KANK1: variants seen among roughly 807,000 people sequenced by gnomAD.
KANK1 encodes the protein KN motif and ankyrin repeat domain-containing protein 1.
In KANK1, 109 loss-of-function variants were observed where a neutral mutation model predicts 106.2. The observed-to-expected ratio is 1.03, with a 90% CI of 0.88 to 1.20. The LOEUF is 1.20. Among genes scored for constraint, KANK1 ranks in the 50% most tolerant of loss-of-function variants. The probability of loss-of-function intolerance (pLI) is 0.00; values close to 1 mark genes in which losing one functional copy is unlikely to be tolerated. For missense variants in KANK1, 2,399 were observed against 1,710.7 expected (o/e 1.40, Z -7.10); for synonymous variants, 873 against 652.2 (o/e 1.34, Z -5.16).
At chr9:655,527 G>C (rs1047180312) in intron 1 of KANK1, among the ~76,000 whole-genome samples, 7 of 152,150 alleles carry the variant, frequency 4.6e-5, no homozygotes, top group African/African-American at 1.7e-4. Context: ...TCACCTGGGG[G>C]TCTTGCTGGA....
chr9:721,484 A>G (rs1316022290), intron 3 of KANK1, among the ~76,000 whole-genome samples: 2 of 152,262 alleles, frequency 1.3e-5, no homozygotes, highest in African/African-American at 2.4e-5. Context: ...TAGCCCAAGC[A>G]TAATAAGACT....
intron 2 of KANK1, among the ~76,000 whole-genome samples, 189 bp from the exon 3 acceptor site, chr9:710,615 C>CAAAAAAAAAA (rs1222306010): frequency 5.3e-4 from 19 of 35,974 alleles, no homozygotes; most frequent in East Asian, 1.8e-3. Flanking sequence ...TGACCTGTCT[C>CAAAAAAAAAA]AAAAAAAAAA....
chr9:646,153 G>T (rs925650658), intron 1 of KANK1, among the ~76,000 whole-genome samples: 2 of 150,334 alleles, frequency 1.3e-5, no homozygotes, highest in East Asian at 1.9e-4. Context: ...CAGAAAATAG[G>T]GATTATCACC....
chr9:665,266 C>G (rs957738727), intron 1 of KANK1, among the ~76,000 whole-genome samples: 1 of 152,082 alleles, frequency 6.6e-6, no homozygotes, highest in Admixed American at 6.6e-5. Flanking sequence ...GAGCATTTCC[C>G]CAATGTTTTC....
intron 2 of KANK1, among the ~76,000 whole-genome samples, chr9:701,709 A>G (rs1822716377): frequency 6.6e-6 from 1 of 152,104 alleles, no homozygotes; most frequent in Non-Finnish European, 1.5e-5. Flanking sequence ...TTAAAAGAAA[A>G]ATTACCTCCA....
intron 9 of KANK1, among the ~76,000 whole-genome samples, chr9:741,307 G>A (rs13286166): frequency 0.27 from 41,054 of 151,260 alleles, 6,399 homozygotes; most frequent in Non-Finnish European, 0.37. Flanking sequence ...CCCAGGTCCA[G>A]ATGTGTTCAC....
chr9:588,556 C>T (rs1411076347), intron 1 of KANK1, among the ~76,000 whole-genome samples: 1 of 151,900 alleles, frequency 6.6e-6, no homozygotes. Context: ...ACTTTCAGCT[C>T]TCAGCAACAT....
chr9:592,632 T>A (rs922567107), intron 1 of KANK1, among the ~76,000 whole-genome samples: 1 of 151,960 alleles, frequency 6.6e-6, no homozygotes, highest in Non-Finnish European at 1.5e-5. Flanking sequence ...CACAGGCATT[T>A]AACTATATTT....
In KANK1 at chr9:575,557, G is replaced by C. The variant is rs116867948; in HGVS notation, c.-84+70803G>C. ...AATGGTGATGCACACCTGTGTTCCA[G>C]CTGCTCAGGAGACTGAGGTGGGAGG... On this transcript the variant is annotated intron_variant, in intron 1 of 11. Transcript: ENST00000382297. Among the ~76,000 whole-genome samples the C allele has an allele frequency of 1.1e-3, 160 of 151,094 alleles. 4 individuals carry two copies. The East Asian group carries it at 0.025, about 23-fold the overall frequency.
intron 1 of KANK1, among the ~76,000 whole-genome samples, chr9:539,107 C>T (rs1188984586): frequency 6.6e-6 from 1 of 152,178 alleles, no homozygotes; most frequent in Non-Finnish European, 1.5e-5. Flanking sequence ...TCTTGAACTC[C>T]TGGCCTCAAG....
chr9:564,209 G>A (rs1457848125), intron 1 of KANK1, among the ~76,000 whole-genome samples: 9 of 151,790 alleles, frequency 5.9e-5, no homozygotes, highest in South Asian at 4.2e-4. Flanking sequence ...ACAGACGCCC[G>A]CCACCACGCC....
At chr9:529,244 C>CAA (rs1563721878) in intron 1 of KANK1, among the ~76,000 whole-genome samples, 108 of 151,346 alleles carry the variant, frequency 7.1e-4, no homozygotes, top group African/African-American at 2.6e-3. Flanking sequence ...TACACACACA[C>CAA]ACACACACAC....
chr9:686,422 T>A (rs1310988419), intron 2 of KANK1, among the ~76,000 whole-genome samples: 1 of 152,188 alleles, frequency 6.6e-6, no homozygotes, highest in Non-Finnish European at 1.5e-5. Context: ...TTATGCAGCA[T>A]GTACCCCAAC....
intron 1 of KANK1, among the ~76,000 whole-genome samples, chr9:513,973 C>A (rs543804663): frequency 2.6e-5 from 4 of 152,012 alleles, no homozygotes; most frequent in Non-Finnish European, 5.9e-5. Context: ...GTCAAAATCA[C>A]GCCGCTGCAT....
chr9:544,988 CA>C (rs1488341610), intron 1 of KANK1, among the ~76,000 whole-genome samples: 1 of 152,096 alleles, frequency 6.6e-6, no homozygotes, highest in Non-Finnish European at 1.5e-5. Flanking sequence ...GAGGCACCTG[CA>C]GTAATCCCCC....
chr9:497,808 G>A (rs1317454917), intron 3 of KANK1, among the ~76,000 whole-genome samples: 1 of 151,646 alleles, frequency 6.6e-6, no homozygotes, highest in Non-Finnish European at 1.5e-5. Context: ...AGCCGTGATT[G>A]TGCCACTGCA....
In KANK1 at chr9:712,289, A is replaced by G. The variant is rs1376085851; in HGVS notation, c.1523A>G (p.Gln508Arg). 6.8e-6 allele frequency: 11 copies of G among 1,614,250 alleles called. No individual in the cohort carries two copies. Among genetic ancestry groups the G allele is most frequent in the Admixed American group, 5.0e-5 (3 of 60,026 alleles). The change falls in exon 3 of 12, where the codon CAG (glutamine) becomes CGG (arginine). Residue 508 changes from glutamine to arginine, a missense_variant. By Grantham distance (43) the Gln-to-Arg change is conservative. Coordinates refer to ENST00000382297, the MANE Select transcript of KANK1 (RefSeq NM_015158.5). ...RKKVDKATMA[Q>R]PLVFSKVVEA... Reference sequence around the variant, plus strand: ...AAGGTTGACAAAGCCACGATGGCCCAGCCGCTTGTTTTCAGTAAGGTGGTG... The same window carrying G: ...AAGGTTGACAAAGCCACGATGGCCCGGCCGCTTGTTTTCAGTAAGGTGGTG...
chr9:476,553 G>C (rs1394147098), intron 3 of KANK1: 2 of 152,034 alleles, frequency 1.3e-5, no homozygotes, highest in East Asian at 3.9e-4. Context: ...AGGTGTTCTG[G>C]ATTCCCATCC....
chr9:543,668 T>G (rs919898336), intron 1 of KANK1, among the ~76,000 whole-genome samples: 1 of 152,216 alleles, frequency 6.6e-6, no homozygotes, highest in African/African-American at 2.4e-5. Flanking sequence ...TGTTCTCATT[T>G]CACCAGAAAA....
Sources: gnomAD v4.1 joint callset for allele counts (sites outside exome capture counted in the v4.1 genomes callset) on GRCh38, gnomAD v4.1.1 for gene constraint, MANE v1.5 for transcripts, NCBI Gene and HGNC (gene_info 2026-07-23, HGNC 2026-07-21) for gene names.